Variants in METTL5 observed in about 807,000 individuals in gnomAD.
The protein encoded by METTL5 is methyltransferase 5, N6-adenosine.
A neutral mutation model predicts 26.5 loss-of-function variants in METTL5; 28 were observed. That is an observed-to-expected ratio of 1.06 (90% CI 0.78 to 1.45). The LOEUF is 1.45. METTL5 is among the 40% of genes most tolerant of loss of function. METTL5 has a pLI of 0.00. For synonymous variants in METTL5, 86 were observed against 82.6 expected (o/e 1.04, Z -0.22); for missense variants, 231 against 249.9 (o/e 0.92, Z 0.51).
intron 2 of METTL5, among the ~76,000 whole-genome samples, chr2:169,821,505 C>T (rs1415554303): frequency 6.6e-6 from 1 of 152,106 alleles, no homozygotes; most frequent in Non-Finnish European, 1.5e-5. Context: ...CCCACCTCAG[C>T]CTCCCAAGTA....
chr2:169,822,818 T>C (rs983740392), intron 1 of METTL5, among the ~76,000 whole-genome samples: 2 of 152,142 alleles, frequency 1.3e-5, no homozygotes, highest in African/African-American at 4.8e-5. Flanking sequence ...ACTCATGATC[T>C]ACAGACATAT....
At position 169,822,048 on chromosome 2, in the gene METTL5, A is replaced by G. The variant is rs761152903; in HGVS notation, c.119T>C (p.Leu40Pro). 2 of 1,601,288 alleles carry G rather than the reference A, an allele frequency of 1.2e-6. No homozygotes were observed. Among genetic ancestry groups the G allele is most frequent in the East Asian group, 4.5e-5 (2 of 44,804 alleles). ...PTRPHIAACM[L>P]YTIHNTYDDI... ...ATCATAAGTGTTATGGATTGTATAG[A>G]GCATACATGCTAAAAAATAAAAAAA... Residue 40 changes from leucine to proline, a missense_variant, in exon 2 of 7, where the codon CTC (leucine) becomes CCC (proline). Coordinates refer to ENST00000260953, the MANE Select transcript of METTL5 (RefSeq NM_014168.4).
At chr2:169,812,757 A>G in intron 5 of METTL5, 1 of 356,460 alleles carries the variant, frequency 2.8e-6, no homozygotes, top group Non-Finnish European at 5.0e-6. Flanking sequence ...AAGGATAAAC[A>G]GTGGACGAAA....
At chr2:169,821,876 G>A in intron 2 of METTL5, 67 bp downstream of exon 2, 4 of 1,396,768 alleles carry the variant, frequency 2.9e-6, no homozygotes, top group Non-Finnish European at 4.0e-6. Context: ...ATATAATTCA[G>A]TTAATCCCAT....
intron 3 of METTL5, among the ~76,000 whole-genome samples, chr2:169,820,648 A>G (rs1573972121): frequency 6.6e-6 from 1 of 152,254 alleles, no homozygotes. Flanking sequence ...AACATCACTT[A>G]GCCTTGGTTT....
At chr2:169,816,023 C>T (rs548946688) in intron 4 of METTL5, among the ~76,000 whole-genome samples, 1 of 152,096 alleles carries the variant, frequency 6.6e-6, no homozygotes, top group Non-Finnish European at 1.5e-5. Flanking sequence ...CACAGAGCCT[C>T]GGTGGTCCAC....
chr2:169,812,388 G>C (rs755978812), intron 6 of METTL5, 69 bp downstream of exon 6: 1 of 1,611,990 alleles, frequency 6.2e-7, no homozygotes. Context: ...TTACAGGCAT[G>C]AACCACCACA....
chr2:169,824,495 T>C lies in METTL5; in HGVS notation c.103A>G (p.Ile35Val), dbSNP rs547177567. 1.2e-4 allele frequency: 189 copies of C among 1,613,742 alleles called. 1 individual carries two copies. In the South Asian group the frequency reaches 1.8e-3, roughly 16 times the overall value. The part of the protein sequence containing the change: ...LLEQYPTRPH[I>V]AACMLYTIHN... Reference sequence around the variant, plus strand: ...GGTGAACCAGCCGCCCTACCTGCAATGTGCGGCCTGGTAGGATACTGTTCC... The same window carrying C: ...GGTGAACCAGCCGCCCTACCTGCAACGTGCGGCCTGGTAGGATACTGTTCC... The change falls in exon 1 of 7, where the codon ATT becomes GTT. Residue 35 changes from isoleucine to valine, a missense_variant. By Grantham distance (29) the Ile-to-Val change is conservative. Transcript: ENST00000260953.
At position 169,822,066 on chromosome 2, in the gene METTL5, T is replaced by C; in HGVS notation, c.110-9A>G. ...TGTATAGAGCATACATGCTAAAAAATAAAAAAAAAAAGAATAAGTAAGCAA... is the reference window on the plus strand; with the variant it reads ...TGTATAGAGCATACATGCTAAAAAACAAAAAAAAAAAGAATAAGTAAGCAA... On this transcript the variant is annotated splice_polypyrimidine_tract_variant and intron_variant, in intron 1 of 6. Coordinates refer to ENST00000260953, the MANE Select transcript of METTL5 (RefSeq NM_014168.4). 1 of 1,185,952 alleles carries C rather than the reference T, an allele frequency of 8.4e-7. No homozygotes were observed. The highest frequency in any genetic ancestry group is 1.1e-6 in the Non-Finnish European group (1 of 879,312). 73.5% of individuals were successfully genotyped at this position (1,185,952 alleles called of 1,614,324 possible).
intron 1 of METTL5, 166 bp downstream of exon 1, chr2:169,824,314 CTGTGGAGGG>C: frequency 5.1e-6 from 3 of 593,476 alleles, no homozygotes; most frequent in Non-Finnish European, 9.1e-6. Context: ...GTGTGTATGT[CTGTGGAGGG>C]TGTGCCTTGA....
At chr2:169,813,923 T>C (rs1465039856) in intron 5 of METTL5, among the ~76,000 whole-genome samples, 1 of 152,098 alleles carries the variant, frequency 6.6e-6, no homozygotes, top group Non-Finnish European at 1.5e-5. Flanking sequence ...AAGTGTATAT[T>C]ACATTATTAT....
At chr2:169,817,847 T>G (rs1482607147) in intron 4 of METTL5, among the ~76,000 whole-genome samples, 1 of 152,048 alleles carries the variant, frequency 6.6e-6, no homozygotes, top group East Asian at 1.9e-4. Context: ...CAAACCAACA[T>G]GGCACATGTC....
chr2:169,821,342 G>T, intron 2 of METTL5, 69 bp from the exon 3 acceptor site: 1 of 1,130,804 alleles, frequency 8.8e-7, no homozygotes, highest in African/African-American at 1.8e-5. Context: ...ACCAAAATTA[G>T]CTGTTTTTTT....
chr2:169,822,235 C>T (rs182730818), intron 1 of METTL5, among the ~76,000 whole-genome samples, 178 bp from the exon 2 acceptor site: 7 of 152,080 alleles, frequency 4.6e-5, no homozygotes, highest in African/African-American at 1.4e-4. Context: ...TAAGAGGCAC[C>T]ATAAAGGAAG....
intron 4 of METTL5, among the ~76,000 whole-genome samples, chr2:169,817,538 C>T (rs1009519686): frequency 2.6e-5 from 4 of 152,122 alleles, no homozygotes; most frequent in African/African-American, 9.7e-5. Flanking sequence ...ACTCAAATGT[C>T]CATCGATAAT....
In METTL5 at chr2:169,821,273, C is replaced by A. The variant is rs2081580047; in HGVS notation, c.225G>T (p.Gly75=). The A allele has an allele frequency of 6.3e-7, 1 of 1,594,018 alleles. No homozygotes were observed. Among genetic ancestry groups the A allele is most frequent in the South Asian group, 1.2e-5 (1 of 86,654 alleles). ...CATCTATGTCAAATCCAACACACAACCTATAAATACAAAACACATACAAAG... is the reference window on the plus strand; with the variant it reads ...CATCTATGTCAAATCCAACACACAAACTATAAATACAAAACACATACAAAG... ...LSIGTAMLGA[G]LCVGFDIDED... The change falls in exon 3 of 7, where the codon GGG becomes GGT. Residue 75 remains glycine, a splice_region_variant and synonymous_variant. Coordinates refer to ENST00000260953, the MANE Select transcript of METTL5 (RefSeq NM_014168.4).
At chr2:169,821,333 C>T (rs921768410) in intron 2 of METTL5, 60 bp from the exon 3 acceptor site, 8 of 1,234,554 alleles carry the variant, frequency 6.5e-6, no homozygotes, top group South Asian at 1.6e-5. Flanking sequence ...AAAAACAAAA[C>T]CAAAATTAGC....
chr2:169,822,381 C>T (rs2081596972), intron 1 of METTL5, among the ~76,000 whole-genome samples: 1 of 152,106 alleles, frequency 6.6e-6, no homozygotes, highest in Non-Finnish European at 1.5e-5. Flanking sequence ...AAAAACATTG[C>T]CATATACTCA....
At chr2:169,817,875 T>A (rs1325869997) in intron 4 of METTL5, among the ~76,000 whole-genome samples, 1 of 152,074 alleles carries the variant, frequency 6.6e-6, no homozygotes, top group Non-Finnish European at 1.5e-5. Context: ...GTAACCTGCA[T>A]GTTGTGCACA....
Sources: allele counts gnomAD v4.1 joint callset (sites outside exome capture counted in the v4.1 genomes callset), GRCh38; gene constraint gnomAD v4.1.1; transcripts MANE v1.5; gene names NCBI Gene and HGNC (gene_info 2026-07-23, HGNC 2026-07-21).